LRRTM4: variants seen among roughly 807,000 people sequenced by gnomAD.
The protein encoded by LRRTM4 is leucine-rich repeat transmembrane neuronal protein 4.
Under a neutral mutation model 47.6 loss-of-function variants are expected in LRRTM4, and 25 were observed. The ratio of observed to expected loss-of-function variants is 0.53; its 90% CI spans 0.38 to 0.73. The LOEUF (loss-of-function observed/expected upper bound fraction) is 0.73. LRRTM4 is among the 30% of genes least tolerant of loss of function. The probability of loss-of-function intolerance (pLI) is 0.00; values close to 1 mark genes in which losing one functional copy is unlikely to be tolerated. For missense variants in LRRTM4, 638 were observed against 713.4 expected (o/e 0.89, Z 1.20); for synonymous variants, 311 against 269.5 (o/e 1.15, Z -1.51).
At chr2:76,934,260 A>G (rs570845041) in intron 3 of LRRTM4, among the ~76,000 whole-genome samples, 2 of 152,172 alleles carry the variant, frequency 1.3e-5, no homozygotes, top group African/African-American at 4.8e-5. Context: ...ACTTACACAC[A>G]TATGTATAAC....
chr2:77,461,281 A>G lies in LRRTM4; in HGVS notation c.1551+57037T>C, dbSNP rs13418879. On this transcript the variant is annotated intron_variant, in intron 3 of 3. Transcript: ENST00000409884. ...TCTCCTGCAGATAGCCACTGCTACT[A>G]TGGATTTTACTTTCTGGTTATTGTA... 5.8e-3 allele frequency among the ~76,000 whole-genome samples: 876 copies of G among 152,148 alleles called. 9 individuals are homozygous for G. The highest frequency in any genetic ancestry group is 0.02 in the African/African-American group (846 of 41,524).
intron 3 of LRRTM4, among the ~76,000 whole-genome samples, chr2:76,917,814 T>C (rs1411738601): frequency 6.6e-6 from 1 of 152,170 alleles, no homozygotes; most frequent in African/African-American, 2.4e-5. Flanking sequence ...TGGGACAGGG[T>C]AGAAGTAAGT....
At chr2:76,953,427 G>A (rs1437004671) in intron 3 of LRRTM4, among the ~76,000 whole-genome samples, 1 of 151,822 alleles carries the variant, frequency 6.6e-6, no homozygotes, top group African/African-American at 2.4e-5. Context: ...AAACAAGAGA[G>A]CACCTTTCCT....
At chr2:77,001,267 C>A (rs535249836) in intron 3 of LRRTM4, among the ~76,000 whole-genome samples, 2 of 152,190 alleles carry the variant, frequency 1.3e-5, no homozygotes, top group East Asian at 1.9e-4. Context: ...CTCCAGTGTG[C>A]CCCAGGCTTA....
At chr2:77,275,148 G>T (rs1362465925) in intron 3 of LRRTM4, among the ~76,000 whole-genome samples, 2 of 152,124 alleles carry the variant, frequency 1.3e-5, no homozygotes, top group African/African-American at 4.8e-5. Context: ...AAGTACTACT[G>T]ACTATAAATA....
At chr2:76,780,774 C>G (rs1008702301) in intron 3 of LRRTM4, among the ~76,000 whole-genome samples, 35 of 151,638 alleles carry the variant, frequency 2.3e-4, no homozygotes, top group Non-Finnish European at 3.0e-5. Context: ...AAGTCATTCT[C>G]CATCCAGCTT....
intron 3 of LRRTM4, among the ~76,000 whole-genome samples, chr2:76,801,615 G>A (rs1029359260): frequency 6.6e-6 from 1 of 151,942 alleles, no homozygotes; most frequent in African/African-American, 2.4e-5. Context: ...ATATACATAT[G>A]TGACTAACCT....
intron 3 of LRRTM4, among the ~76,000 whole-genome samples, chr2:77,201,410 T>C (rs553058272): frequency 8.6e-4 from 131 of 152,268 alleles, no homozygotes; most frequent in Admixed American, 1.9e-3. Flanking sequence ...TCTCTGGAAA[T>C]TCAGTTCTGT....
intron 3 of LRRTM4, among the ~76,000 whole-genome samples, chr2:76,881,843 T>C (rs967049231): frequency 6.6e-6 from 1 of 152,188 alleles, no homozygotes; most frequent in Non-Finnish European, 1.5e-5. Context: ...TACTCCATCC[T>C]ATTCTAACAC....
intron 3 of LRRTM4, among the ~76,000 whole-genome samples, chr2:76,945,544 A>G (rs1675294055): frequency 6.6e-6 from 1 of 152,080 alleles, no homozygotes; most frequent in African/African-American, 2.4e-5. Context: ...CAGAAAAAGA[A>G]GCAGCATTTG....
intron 3 of LRRTM4, among the ~76,000 whole-genome samples, chr2:77,116,048 A>G (rs542365961): frequency 6.6e-6 from 1 of 152,252 alleles, no homozygotes; most frequent in Admixed American, 6.5e-5. Context: ...CTGAAAGCAG[A>G]GATACATAGG....
chr2:76,965,618 AG>A (rs1558766199), intron 3 of LRRTM4, among the ~76,000 whole-genome samples: 4 of 151,420 alleles, frequency 2.6e-5, no homozygotes, highest in African/African-American at 9.6e-5. Context: ...TAAAAAAAAC[AG>A]TATTCAAAAC....
chr2:77,096,546 TAA>T (rs1400787538), intron 3 of LRRTM4, among the ~76,000 whole-genome samples: 2 of 151,406 alleles, frequency 1.3e-5, no homozygotes, highest in African/African-American at 4.8e-5. Context: ...AAGTCGAGAA[TAA>T]AAGACAAAAT....
chr2:77,215,874 A>C (rs1674421301), intron 3 of LRRTM4, among the ~76,000 whole-genome samples: 1 of 152,204 alleles, frequency 6.6e-6, no homozygotes, highest in East Asian at 1.9e-4. Context: ...TGTAATAATG[A>C]GTATATGTTT....
intron 3 of LRRTM4, among the ~76,000 whole-genome samples, chr2:76,822,587 T>TA (rs1248199581): frequency 6.6e-6 from 1 of 151,340 alleles, no homozygotes; most frequent in Non-Finnish European, 1.5e-5. Flanking sequence ...AACCAACATG[T>TA]AAAAAAACAC....
intron 3 of LRRTM4, among the ~76,000 whole-genome samples, chr2:76,894,089 C>G (rs951608130): frequency 2.6e-5 from 4 of 151,812 alleles, no homozygotes; most frequent in Non-Finnish European, 4.4e-5. Flanking sequence ...TACCACTGTA[C>G]GATGTTAAAA....
chr2:77,296,919 T>C (rs1676989957), intron 3 of LRRTM4, among the ~76,000 whole-genome samples: 1 of 152,216 alleles, frequency 6.6e-6, no homozygotes, highest in Non-Finnish European at 1.5e-5. Flanking sequence ...GCTAAGCTTC[T>C]GTGCCTCTCA....
chr2:77,153,891 A>G (rs937095683), intron 3 of LRRTM4, among the ~76,000 whole-genome samples: 2 of 152,200 alleles, frequency 1.3e-5, no homozygotes, highest in Non-Finnish European at 2.9e-5. Context: ...TTAAAAGCTT[A>G]TACTGGTCCA....
chr2:76,812,206 A>C (rs1670754389), intron 3 of LRRTM4, among the ~76,000 whole-genome samples: 2 of 152,124 alleles, frequency 1.3e-5, no homozygotes, highest in East Asian at 3.9e-4. Flanking sequence ...GCTTCCTCCT[A>C]CCCCATATAT....
Sources: gnomAD v4.1 joint callset for allele counts (sites outside exome capture counted in the v4.1 genomes callset) on GRCh38, gnomAD v4.1.1 for gene constraint, MANE v1.5 for transcripts, NCBI Gene and HGNC (gene_info 2026-07-23, HGNC 2026-07-21) for gene names.